The following GMPR variants were observed in gnomAD, a reference collection of about 807,000 sequenced individuals.
GMPR encodes the protein guanosine monophosphate reductase.
GMPR carries 31 observed loss-of-function variants against 38.4 expected under a neutral mutation model. The ratio of observed to expected loss-of-function variants is 0.81; its 90% CI spans 0.61 to 1.09. GMPR has a LOEUF of 1.09. Among genes scored for constraint, GMPR ranks in the 50% least tolerant of loss-of-function variants. GMPR has a pLI of 0.00. For synonymous variants in GMPR, 162 were observed against 173.3 expected (o/e 0.93, Z 0.51); for missense variants, 468 against 453.7 (o/e 1.03, Z -0.29).
intron 8 of GMPR, among the ~76,000 whole-genome samples, chr6:16,292,607 T>C (rs898276495): frequency 2.0e-5 from 3 of 152,204 alleles, no homozygotes; most frequent in African/African-American, 7.2e-5. Flanking sequence ...AGAAGCTTCG[T>C]GCTTTACCAG....
intron 1 of GMPR, among the ~76,000 whole-genome samples, chr6:16,242,521 G>A (rs1264415097): frequency 6.6e-6 from 1 of 152,114 alleles, no homozygotes; most frequent in Non-Finnish European, 1.5e-5. Flanking sequence ...TCTGTTTCTT[G>A]CCCTTCTCCC....
At chr6:16,277,408 C>T (rs1408056750) in intron 5 of GMPR, among the ~76,000 whole-genome samples, 1 of 152,178 alleles carries the variant, frequency 6.6e-6, no homozygotes, top group African/African-American at 2.4e-5. Flanking sequence ...CGCCTCAAAG[C>T]ATCCCACCCC....
At chr6:16,250,211 C>T in intron 2 of GMPR, 73 bp from the exon 3 acceptor site, 1 of 834,004 alleles carries the variant, frequency 1.2e-6, no homozygotes, top group Admixed American at 1.7e-5. Context: ...TGTTGGATCA[C>T]CACCTCCAGA....
intron 7 of GMPR, among the ~76,000 whole-genome samples, chr6:16,289,285 CAGTG>C (rs971798189): frequency 1.3e-5 from 2 of 152,196 alleles, no homozygotes; most frequent in African/African-American, 4.8e-5. Context: ...TTCTTGAAGT[CAGTG>C]AGACCAAGAA....
At chr6:16,290,351 T>C in intron 7 of GMPR, 111 bp from the exon 8 acceptor site, 1 of 925,902 alleles carries the variant, frequency 1.1e-6, no homozygotes. Flanking sequence ...CTCTTGACTA[T>C]AGCTGGGCGG....
chr6:16,286,562 G>T (rs1759684439), intron 7 of GMPR, among the ~76,000 whole-genome samples: 2 of 152,030 alleles, frequency 1.3e-5, no homozygotes, highest in South Asian at 4.2e-4. Flanking sequence ...AAAAAAAATG[G>T]TGGCAGGAAA....
At chr6:16,274,385 T>C (rs1759438892) in intron 4 of GMPR, 30 bp from the exon 5 acceptor site, 8 of 1,359,834 alleles carry the variant, frequency 5.9e-6, no homozygotes, top group Non-Finnish European at 8.4e-6. Flanking sequence ...TAGTAGTTCA[T>C]GATCATCAGC....
chr6:16,245,642 CT>C (rs1230037150), intron 1 of GMPR, among the ~76,000 whole-genome samples: 1 of 152,188 alleles, frequency 6.6e-6, no homozygotes, highest in African/African-American at 2.4e-5. Flanking sequence ...ACAAACGATG[CT>C]GACTGTTTAA....
rs1758581345 is a variant in GMPR, at chr6:16,238,597, C to CCGGCCGCGGCACAG, written c.-95_-82dup. 3.6e-6 allele frequency: 1 copy of CCGGCCGCGGCACAG among 281,526 alleles called. No individual in the cohort carries two copies. 17.4% of individuals were successfully genotyped at this position (281,526 alleles called of 1,614,324 possible). ...GTGCGCACCCGGCCCACGCCAGCTC[C>CCGGCCGCGGCACAG]CGGCCGCGGCACAGCAGCCCCGGCG... is the stretch of plus-strand genomic sequence containing the variant. On this transcript the variant is annotated 5_prime_UTR_variant, in exon 1 of 9. Transcript: ENST00000259727.
At chr6:16,289,280 GAA>G (rs1759775477) in intron 7 of GMPR, among the ~76,000 whole-genome samples, 4 of 152,206 alleles carry the variant, frequency 2.6e-5, no homozygotes, top group Admixed American at 2.6e-4. Flanking sequence ...CTTCATTCTT[GAA>G]GTCAGTGAGA....
At chr6:16,261,441 G>A (rs1759084164) in intron 4 of GMPR, among the ~76,000 whole-genome samples, 1 of 151,980 alleles carries the variant, frequency 6.6e-6, no homozygotes, top group Non-Finnish European at 1.5e-5. Flanking sequence ...AGGCTAGGAG[G>A]ACAGGTGCAA....
chr6:16,243,805 C>T (rs1473684988), intron 1 of GMPR, among the ~76,000 whole-genome samples: 1 of 152,164 alleles, frequency 6.6e-6, no homozygotes, highest in African/African-American at 2.4e-5. Context: ...ATCTCCTTCC[C>T]CAAGTAACTT....
chr6:16,278,973 C>T, intron 6 of GMPR, 83 bp downstream of exon 6: 1 of 829,996 alleles, frequency 1.2e-6, no homozygotes, highest in Non-Finnish European at 2.0e-6. Context: ...GGCTGGGCAT[C>T]CTGTGGGCAT....
intron 6 of GMPR, among the ~76,000 whole-genome samples, chr6:16,284,917 G>A (rs10949351): frequency 0.017 from 2,569 of 151,562 alleles, 34 homozygotes; most frequent in Admixed American, 0.038. Flanking sequence ...TACTCAGGAG[G>A]CTGAGGCAGG....
chr6:16,268,146 C>T (rs1019757044), intron 4 of GMPR, among the ~76,000 whole-genome samples: 7 of 152,202 alleles, frequency 4.6e-5, no homozygotes, highest in African/African-American at 1.7e-4. Context: ...TCTGTATTCA[C>T]CCACTTTCTG....
chr6:16,290,753 C>G (rs2113348720), intron 8 of GMPR, 132 bp downstream of exon 8: 2 of 721,942 alleles, frequency 2.8e-6, no homozygotes, highest in Non-Finnish European at 4.6e-6. Flanking sequence ...TTTTAAAGAC[C>G]CCTAATTTGT....
intron 8 of GMPR, among the ~76,000 whole-genome samples, chr6:16,291,452 G>A (rs1759839861): frequency 6.6e-6 from 1 of 152,050 alleles, no homozygotes; most frequent in African/African-American, 2.4e-5. Context: ...TCGAACTCCT[G>A]ACTTCCAGTG....
intron 4 of GMPR, among the ~76,000 whole-genome samples, chr6:16,271,759 A>G (rs1307324529): frequency 6.6e-6 from 1 of 152,054 alleles, no homozygotes; most frequent in East Asian, 1.9e-4. Flanking sequence ...AAGAAGAAAC[A>G]AAAAAAAGTT....
At chr6:16,286,644 C>T (rs1306116003) in intron 7 of GMPR, among the ~76,000 whole-genome samples, 10 of 151,876 alleles carry the variant, frequency 6.6e-5, no homozygotes, top group African/African-American at 2.4e-4. Flanking sequence ...GGTGCGGTGG[C>T]TCACACCTGT....
Sources: allele counts gnomAD v4.1 joint callset (sites outside exome capture counted in the v4.1 genomes callset), GRCh38; gene constraint gnomAD v4.1.1; transcripts MANE v1.5; gene names NCBI Gene and HGNC (gene_info 2026-07-23, HGNC 2026-07-21).